Variants in GADD45A observed in about 807,000 individuals in gnomAD.
The protein encoded by GADD45A is growth arrest and DNA damage-inducible protein GADD45 alpha.
A neutral mutation model predicts 17.7 loss-of-function variants in GADD45A; 9 were observed. The observed-to-expected ratio is 0.51, with a 90% confidence interval of 0.31 to 0.89. GADD45A has a LOEUF of 0.89. GADD45A is among the 40% of genes least tolerant of loss of function. The probability of loss-of-function intolerance (pLI) is 0.05; values close to 1 mark genes in which losing one functional copy is unlikely to be tolerated. For missense variants in GADD45A, 149 were observed against 220.6 expected (o/e 0.68, Z 2.06); for synonymous variants, 95 against 92.2 (o/e 1.03, Z -0.17).
Position 67,685,412 on chromosome 1 carries a change from A to C in GADD45A, c.-83A>C. 2.2e-6 allele frequency: 3 copies of C among 1,377,284 alleles called. No homozygotes were observed. The highest frequency in any genetic ancestry group is 2.1e-4 in the Middle Eastern group (1 of 4,730). The allele number at this position is 1,377,284 out of a possible 1,614,324, so 85.3% of individuals were successfully genotyped here. ...CGGAGCGGCGCCTGTGAGTGAGTGC[A>C]GAAAGCAGGCGCCCGCGCGCTAGCC... On this transcript the variant is annotated 5_prime_UTR_variant, in exon 1 of 4. Coordinates refer to ENST00000370986, the MANE Select transcript of GADD45A (RefSeq NM_001924.4).
chr1:67,686,346 C>G lies in GADD45A; in HGVS notation c.147-4C>G. 7 of 1,610,582 alleles carry G rather than the reference C, an allele frequency of 4.3e-6. No homozygotes were observed. The highest frequency in any genetic ancestry group is 5.9e-6 in the Non-Finnish European group (7 of 1,178,022). ...CGCTCACTGGCCCCGCCCGCTGCCC[C>G]CAGCGACCCCGATAACGTGGTGTTG... is the stretch of plus-strand genomic sequence containing the variant. On this transcript the variant is annotated splice_polypyrimidine_tract_variant and splice_region_variant and intron_variant, in intron 2 of 3. Coordinates refer to ENST00000370986, the MANE Select transcript of GADD45A (RefSeq NM_001924.4).
At position 67,686,017 on chromosome 1, in the gene GADD45A, G is replaced by A. The variant is rs923638140; in HGVS notation, c.45-8G>A. 2.5e-6 allele frequency: 4 copies of A among 1,589,852 alleles called. No individual in the cohort carries two copies. Among genetic ancestry groups the A allele is most frequent in the Admixed American group, 3.5e-5 (2 of 56,432 alleles). The stretch of plus-strand genomic sequence containing the variant: ...CTGACGGGACCCCTCGCCCTTGCCC[G>A]CGTGTAGGATGGATAAGGTGGGGGA... On this transcript the variant is annotated splice_region_variant and splice_polypyrimidine_tract_variant and intron_variant, in intron 1 of 3. Transcript: ENST00000370986.
Position 67,686,595 on chromosome 1 carries a change from A to T in GADD45A, c.384+8A>T, listed in dbSNP as rs756407174. ...CACTGCGTGCTGGTGACGGTAAGGG[A>T]CTGGGGGACTGCAGCCTGCAGGGTA... On this transcript the variant is annotated splice_region_variant and intron_variant, in intron 3 of 3. Transcript: ENST00000370986. 5.6e-6 allele frequency: 9 copies of T among 1,605,740 alleles called. No homozygotes were observed. The Admixed American group carries it at 8.4e-5, about 15-fold the overall frequency.
Position 67,687,832 on chromosome 1 carries a change from G to A in GADD45A, c.*58G>A. On this transcript the variant is annotated 3_prime_UTR_variant, in exon 4 of 4. Coordinates refer to ENST00000370986, the MANE Select transcript of GADD45A (RefSeq NM_001924.4). ...GCACTGAAGTTTTTGAAATACCTTT[G>A]TAGTTACTCAAGCAGTTACTCCCTA... 8.9e-7 allele frequency: 1 copy of A among 1,119,022 alleles called. No homozygotes were observed. Among genetic ancestry groups the A allele is most frequent in the Non-Finnish European group, 1.4e-6 (1 of 730,286 alleles). 69.3% of individuals were successfully genotyped at this position (1,119,022 alleles called of 1,614,324 possible). A position where few individuals can be genotyped will look rare whatever the true frequency, so the allele number is the denominator to read the frequency against.
chr1:67,686,693 T>G (rs1570459023), intron 3 of GADD45A, 106 bp downstream of exon 3: 2 of 907,080 alleles, frequency 2.2e-6, no homozygotes, highest in Non-Finnish European at 3.3e-6. Context: ...GTCAGGAGGG[T>G]GGCTGCCTTT....
chr1:67,686,037 G>T lies in GADD45A; in HGVS notation c.57G>T (p.Val19=). The T allele has an allele frequency of 6.2e-7, 1 of 1,605,926 alleles. No homozygotes were observed. The highest frequency in any genetic ancestry group is 8.5e-7 in the Non-Finnish European group (1 of 1,176,582). ...GEQKTERMDK[V]GDALEEVLSK... ...TGCCCGCGTGTAGGATGGATAAGGT[G>T]GGGGATGCCCTGGAGGAAGTGCTCA... Residue 19 remains valine, a synonymous_variant, in exon 2 of 4, where the codon GTG becomes GTT. Coordinates refer to ENST00000370986, the MANE Select transcript of GADD45A (RefSeq NM_001924.4).
At chr1:67,686,158 A>G in intron 2 of GADD45A, 32 bp downstream of exon 2, 1 of 1,550,924 alleles carries the variant, frequency 6.4e-7, no homozygotes, top group Non-Finnish European at 8.8e-7. Flanking sequence ...CCCCCATGGC[A>G]CCCCTTCCCG....
chr1:67,686,149 C>T, intron 2 of GADD45A, 23 bp downstream of exon 2: 1 of 1,568,888 alleles, frequency 6.4e-7, no homozygotes, highest in Non-Finnish European at 8.7e-7. Context: ...CTTGCGCGTC[C>T]CCCATGGCAC....
At position 67,687,995 on chromosome 1, in the gene GADD45A, A is replaced by AG. The variant is rs3783480; in HGVS notation, c.*221_*222insG. 3,310 of 450,026 alleles carry AG rather than the reference A, an allele frequency of 7.4e-3. 26 individuals are homozygous for AG. The highest frequency in any genetic ancestry group is 9.4e-3 in the Non-Finnish European group (2,374 of 252,676). The allele number at this position is 450,026 out of a possible 1,614,324, so 27.9% of individuals were successfully genotyped here. On this transcript the variant is annotated 3_prime_UTR_variant, in exon 4 of 4. Transcript: ENST00000370986. ...AAGGAAGCTGTGTTGAAACAGAAAA[A>AG]TAAGTCAAAAGGAACAAAAATTACA...
In GADD45A at chr1:67,685,415, A is replaced by C; in HGVS notation, c.-80A>C. 7.1e-7 allele frequency: 1 copy of C among 1,412,712 alleles called. No individual in the cohort carries two copies. The highest frequency in any genetic ancestry group is 9.8e-7 in the Non-Finnish European group (1 of 1,022,194). 87.5% of individuals were successfully genotyped at this position (1,412,712 alleles called of 1,614,324 possible). A position where few individuals can be genotyped will look rare whatever the true frequency, so the allele number is the denominator to read the frequency against. ...AGCGGCGCCTGTGAGTGAGTGCAGA[A>C]AGCAGGCGCCCGCGCGCTAGCCGTG... On this transcript the variant is annotated 5_prime_UTR_variant, in exon 1 of 4. Coordinates refer to ENST00000370986, the MANE Select transcript of GADD45A (RefSeq NM_001924.4).
In GADD45A at chr1:67,685,374, G is replaced by T. The variant is rs1646125130; in HGVS notation, c.-121G>T. 1.1e-6 allele frequency: 1 copy of T among 886,614 alleles called. No homozygotes were observed. Among genetic ancestry groups the T allele is most frequent in the African/African-American group, 1.8e-5 (1 of 56,850 alleles). The allele number at this position is 886,614 out of a possible 1,614,324, so 54.9% of individuals were successfully genotyped here. A position where few individuals can be genotyped will look rare whatever the true frequency, so the allele number is the denominator to read the frequency against. On this transcript the variant is annotated 5_prime_UTR_variant, in exon 1 of 4. The change creates a new upstream start codon in the 5' untranslated region. Transcript: ENST00000370986. The stretch of plus-strand genomic sequence containing the variant: ...GGCGAGGGGCGGCCGGAGAGCGCCA[G>T]GGCCTGAGCTGCCGGAGCGGCGCCT...
chr1:67,686,007 G>T lies in GADD45A; in HGVS notation c.45-18G>T, dbSNP rs1369272298. 7.6e-6 allele frequency: 12 copies of T among 1,573,376 alleles called. No individual in the cohort carries two copies. The highest frequency in any genetic ancestry group is 1.0e-5 in the Non-Finnish European group (12 of 1,154,526). On this transcript the variant is annotated intron_variant, in intron 1 of 3. Coordinates refer to ENST00000370986, the MANE Select transcript of GADD45A (RefSeq NM_001924.4). ...GGCACCGGGGCTGACGGGACCCCTC[G>T]CCCTTGCCCGCGTGTAGGATGGATA...
At position 67,685,428 on chromosome 1, in the gene GADD45A, C is replaced by A. The variant is rs1646125628; in HGVS notation, c.-67C>A. On this transcript the variant is annotated 5_prime_UTR_variant, in exon 1 of 4. Transcript: ENST00000370986. ...AGTGAGTGCAGAAAGCAGGCGCCCG[C>A]GCGCTAGCCGTGGCAGGAGCAGCCC... The A allele has an allele frequency of 2.7e-6, 4 of 1,500,370 alleles. No individual in the cohort carries two copies. Among genetic ancestry groups the A allele is most frequent in the Non-Finnish European group, 2.7e-6 (3 of 1,097,582 alleles). 92.9% of individuals were successfully genotyped at this position (1,500,370 alleles called of 1,614,324 possible). A position where few individuals can be genotyped will look rare whatever the true frequency, so the allele number is the denominator to read the frequency against.
Position 67,686,592 on chromosome 1 carries a change from G to A in GADD45A, c.384+5G>A. On this transcript the variant is annotated splice_donor_5th_base_variant and intron_variant, in intron 3 of 3. Transcript: ENST00000370986. ...CTGCACTGCGTGCTGGTGACGGTAAGGGACTGGGGGACTGCAGCCTGCAGG... is the reference window on the plus strand; with the variant it reads ...CTGCACTGCGTGCTGGTGACGGTAAAGGACTGGGGGACTGCAGCCTGCAGG... 2 of 1,605,754 alleles carry A rather than the reference G, an allele frequency of 1.2e-6. No individual in the cohort carries two copies. The highest frequency in any genetic ancestry group is 1.7e-6 in the Non-Finnish European group (2 of 1,175,252).
In GADD45A at chr1:67,686,080, C is replaced by A. The variant is rs1323892467; in HGVS notation, c.100C>A (p.Arg34Ser). 1 of 1,609,672 alleles carries A rather than the reference C, an allele frequency of 6.2e-7. No individual in the cohort carries two copies. The highest frequency in any genetic ancestry group is 2.3e-5 in the East Asian group (1 of 44,306). The change falls in exon 2 of 4, where the codon CGC (arginine) becomes AGC (serine). Residue 34 changes from arginine (R) to serine (S), a missense_variant. Transcript: ENST00000370986. ...AGTGCTCAGCAAAGCCCTGAGTCAG[C>A]GCACGATCACTGTCGGGGTGTACGA... ...EEVLSKALSQ[R>S]TITVGVYEAA...
chr1:67,685,381 A>C lies in GADD45A; in HGVS notation c.-114A>C, dbSNP rs1224211139. ...GGCGGCCGGAGAGCGCCAGGGCCTG[A>C]GCTGCCGGAGCGGCGCCTGTGAGTG... On this transcript the variant is annotated 5_prime_UTR_variant, in exon 1 of 4. Coordinates refer to ENST00000370986, the MANE Select transcript of GADD45A (RefSeq NM_001924.4). The C allele has an allele frequency of 2.0e-6, 2 of 983,044 alleles. No individual in the cohort carries two copies. Among genetic ancestry groups the C allele is most frequent in the African/African-American group, 3.3e-5 (2 of 59,724 alleles). The allele number at this position is 983,044 out of a possible 1,614,324, so 60.9% of individuals were successfully genotyped here. A position where few individuals can be genotyped will look rare whatever the true frequency, so the allele number is the denominator to read the frequency against.
chr1:67,687,393 C>G (rs1646143054), intron 3 of GADD45A, among the ~76,000 whole-genome samples: 1 of 152,188 alleles, frequency 6.6e-6, no homozygotes, highest in Non-Finnish European at 1.5e-5. Context: ...TCATGCAAAA[C>G]TGAACAGATA....
intron 3 of GADD45A, 48 bp downstream of exon 3, chr1:67,686,635 C>T (rs1486187223): frequency 1.3e-6 from 2 of 1,521,514 alleles, no homozygotes; most frequent in Admixed American, 1.9e-5. Context: ...CCCGGAAGGA[C>T]GGGAGTCAGG....
intron 1 of GADD45A, 177 bp from the exon 2 acceptor site, chr1:67,685,848 G>A (rs1228993320): frequency 1.7e-6 from 1 of 595,406 alleles, no homozygotes; most frequent in East Asian, 2.9e-5. Flanking sequence ...CCCGGTCCTT[G>A]GGCGTGCAGG....
Sources: gnomAD v4.1 joint callset for allele counts (sites outside exome capture counted in the v4.1 genomes callset) on GRCh38, gnomAD v4.1.1 for gene constraint, MANE v1.5 for transcripts, NCBI Gene and HGNC (gene_info 2026-07-23, HGNC 2026-07-21) for gene names.